Variants in ADGRL3 observed in about 807,000 individuals in gnomAD.
ADGRL3 encodes calcium-independent alpha-latrotoxin receptor 3.
In ADGRL3, 62 loss-of-function variants were observed where a neutral mutation model predicts 153.5. The observed-to-expected ratio is 0.40, with a 90% CI of 0.33 to 0.50. The LOEUF (loss-of-function observed/expected upper bound fraction) is 0.50. Among genes scored for constraint, ADGRL3 ranks in the 20% least tolerant of loss-of-function variants. The probability of loss-of-function intolerance (pLI) is 0.47; values close to 1 mark genes in which losing one functional copy is unlikely to be tolerated. For synonymous variants in ADGRL3, 710 were observed against 672.5 expected (o/e 1.06, Z -0.86); for missense variants, 1,641 against 1,859.4 (o/e 0.88, Z 2.16).
intron 1 of ADGRL3, among the ~76,000 whole-genome samples, chr4:61,240,960 T>A (rs966112947): frequency 3.3e-5 from 5 of 152,032 alleles, no homozygotes; most frequent in African/African-American, 1.2e-4. Context: ...CTAGTTGTAA[T>A]GTGTAATACT....
At chr4:61,242,503 T>G (rs539393403) in intron 1 of ADGRL3, among the ~76,000 whole-genome samples, 1 of 152,172 alleles carries the variant, frequency 6.6e-6, no homozygotes, top group Non-Finnish European at 1.5e-5. Flanking sequence ...TCAATGGCCA[T>G]TTACACTGTT....
intron 8 of ADGRL3, among the ~76,000 whole-genome samples, chr4:61,810,867 T>A (rs2097607535): frequency 6.6e-6 from 1 of 152,136 alleles, no homozygotes; most frequent in Non-Finnish European, 1.5e-5. Flanking sequence ...CTCTGCTTTA[T>A]CTTTCTATAC....
intron 23 of ADGRL3, among the ~76,000 whole-genome samples, chr4:62,034,853 A>T (rs977237890): frequency 7.9e-5 from 12 of 151,864 alleles, no homozygotes; most frequent in African/African-American, 2.9e-4. Context: ...CAAATATTTG[A>T]TATATTCCCA....
intron 1 of ADGRL3, among the ~76,000 whole-genome samples, chr4:61,250,832 T>A (rs1758944390): frequency 6.6e-6 from 1 of 152,174 alleles, no homozygotes; most frequent in Non-Finnish European, 1.5e-5. Flanking sequence ...AGACTTAGTT[T>A]CCTCATCTGT....
intron 21 of ADGRL3, among the ~76,000 whole-genome samples, chr4:62,012,924 G>A (rs897263914): frequency 6.6e-6 from 1 of 152,074 alleles, no homozygotes; most frequent in Non-Finnish European, 1.5e-5. Flanking sequence ...ATATTGTTCT[G>A]GTGAAGATGA....
At chr4:61,839,836 G>A (rs2098000459) in intron 9 of ADGRL3, among the ~76,000 whole-genome samples, 1 of 151,652 alleles carries the variant, frequency 6.6e-6, no homozygotes, top group South Asian at 2.1e-4. Context: ...TGCAGTCCCA[G>A]CCACTCGTGG....
At chr4:61,800,595 C>T (rs747106054) in intron 8 of ADGRL3, among the ~76,000 whole-genome samples, 3 of 152,076 alleles carry the variant, frequency 2.0e-5, no homozygotes, top group Non-Finnish European at 2.9e-5. Context: ...TGATGTCTGG[C>T]GAGTTGTTTT....
At chr4:61,702,241 T>C (rs2095778977) in intron 6 of ADGRL3, among the ~76,000 whole-genome samples, 1 of 152,224 alleles carries the variant, frequency 6.6e-6, no homozygotes, top group African/African-American at 2.4e-5. Context: ...CTAGTTGTCC[T>C]TAATGATATT....
At chr4:61,296,268 A>T (rs2094408914) in intron 1 of ADGRL3, among the ~76,000 whole-genome samples, 1 of 152,186 alleles carries the variant, frequency 6.6e-6, no homozygotes, top group Non-Finnish European at 1.5e-5. Flanking sequence ...AAAAATCAGA[A>T]TCAGAACTTG....
At chr4:61,528,135 A>C (rs2098584134) in intron 4 of ADGRL3, among the ~76,000 whole-genome samples, 1 of 152,118 alleles carries the variant, frequency 6.6e-6, no homozygotes, top group Non-Finnish European at 1.5e-5. Flanking sequence ...CGGTTCCCTC[A>C]TTTTTCAAAT....
At chr4:61,646,063 C>G (rs538293051) in intron 5 of ADGRL3, among the ~76,000 whole-genome samples, 20 of 152,288 alleles carry the variant, frequency 1.3e-4, no homozygotes, top group Admixed American at 7.2e-4. Flanking sequence ...TACCCTTTCT[C>G]CAGTTGATGG....
intron 9 of ADGRL3, among the ~76,000 whole-genome samples, chr4:61,840,920 T>A (rs932386259): frequency 2.6e-5 from 4 of 152,184 alleles, no homozygotes; most frequent in African/African-American, 7.2e-5. Flanking sequence ...TTAGAATTGC[T>A]TTCTTCCTTC....
chr4:61,725,308 C>T (rs79474644), intron 6 of ADGRL3, among the ~76,000 whole-genome samples: 126 of 152,142 alleles, frequency 8.3e-4, no homozygotes, highest in African/African-American at 3.0e-3. Context: ...AATGAGAATG[C>T]CTGCATTTAA....
intron 9 of ADGRL3, among the ~76,000 whole-genome samples, chr4:61,882,871 C>T (rs986781052): frequency 6.6e-5 from 10 of 152,112 alleles, no homozygotes; most frequent in Non-Finnish European, 8.8e-5. Context: ...TTTGGGAGGC[C>T]GAGGTGGTGG....
At position 61,775,591 on chromosome 4, in the gene ADGRL3, C is replaced by G. The variant is rs909231321; in HGVS notation, c.1400-38218C>G. ...AGTTTTACAGAGGCCTACCCTTTCC[C>G]CTAGTTTCTTGTTGTCATCAACCTT... On this transcript the variant is annotated intron_variant, in intron 8 of 26. Coordinates refer to ENST00000683033, the MANE Select transcript of ADGRL3 (RefSeq NM_001387552.1). 26 of 1,019,094 alleles carry G rather than the reference C, an allele frequency of 2.6e-5. 1 individual carries two copies. In the South Asian group the frequency reaches 3.3e-4, roughly 13 times the overall value. 63.1% of individuals were successfully genotyped at this position (1,019,094 alleles called of 1,614,324 possible).
At chr4:61,658,615 G>A (rs1184640373) in intron 5 of ADGRL3, among the ~76,000 whole-genome samples, 1 of 152,064 alleles carries the variant, frequency 6.6e-6, no homozygotes, top group Non-Finnish European at 1.5e-5. Flanking sequence ...CTGTATTTGA[G>A]CCTTGCTTAC....
intron 1 of ADGRL3, among the ~76,000 whole-genome samples, chr4:61,230,597 G>A (rs571206996): frequency 8.1e-4 from 123 of 151,960 alleles, no homozygotes; most frequent in Non-Finnish European, 1.2e-3. Context: ...TGTTGCCCAG[G>A]CTGTTCTTGA....
intron 1 of ADGRL3, among the ~76,000 whole-genome samples, chr4:61,335,839 T>G (rs925166935): frequency 6.6e-6 from 1 of 152,216 alleles, no homozygotes; most frequent in Non-Finnish European, 1.5e-5. Flanking sequence ...CTATAAACTC[T>G]TTTCTTTAAA....
intron 19 of ADGRL3, among the ~76,000 whole-genome samples, chr4:61,991,421 A>T (rs1230235778): frequency 1.3e-5 from 2 of 152,132 alleles, no homozygotes; most frequent in African/African-American, 2.4e-5. Flanking sequence ...AATAGCCATA[A>T]TTCTTATCTT....
Sources: gnomAD v4.1 joint callset for allele counts (sites outside exome capture counted in the v4.1 genomes callset) on GRCh38, gnomAD v4.1.1 for gene constraint, MANE v1.5 for transcripts, NCBI Gene and HGNC (gene_info 2026-07-23, HGNC 2026-07-21) for gene names.